Variants in HGD observed in about 807,000 individuals in gnomAD.
HGD encodes homogentisate 1,2-dioxygenase.
A neutral mutation model predicts 60.8 loss-of-function variants in HGD; 61 were observed. The observed-to-expected ratio is 1.00, with a 90% CI of 0.82 to 1.24. The LOEUF is 1.24. Ranked by LOEUF, HGD falls within the 50% of genes most tolerant of loss-of-function variation. The pLI, the probability that HGD is intolerant of heterozygous loss-of-function variation, is 0.00. For missense variants in HGD, 542 were observed against 547.1 expected (o/e 0.99, Z 0.09); for synonymous variants, 212 against 187.7 (o/e 1.13, Z -1.06).
chr3:120,660,430 T>C (rs1279293985), intron 4 of HGD, among the ~76,000 whole-genome samples: 1 of 152,214 alleles, frequency 6.6e-6, no homozygotes, highest in Non-Finnish European at 1.5e-5. Flanking sequence ...GCATGAATTA[T>C]GTGGAGAGAA....
At chr3:120,646,136 A>G in intron 9 of HGD, 131 bp downstream of exon 9, 1 of 721,172 alleles carries the variant, frequency 1.4e-6, no homozygotes, top group South Asian at 1.5e-5. Context: ...CTTGGTCTAG[A>G]GAAGAATTTG....
intron 1 of HGD, among the ~76,000 whole-genome samples, chr3:120,677,292 C>G (rs563832510): frequency 1.3e-5 from 2 of 152,308 alleles, no homozygotes; most frequent in South Asian, 4.1e-4. Context: ...CAGAACAGAG[C>G]CATATTTCTC....
chr3:120,677,676 C>T (rs992277315), intron 1 of HGD, among the ~76,000 whole-genome samples: 2 of 152,150 alleles, frequency 1.3e-5, no homozygotes, highest in African/African-American at 2.4e-5. Context: ...TATTCTATTA[C>T]CTTGTAAAGT....
intron 13 of HGD, among the ~76,000 whole-genome samples, chr3:120,629,059 GA>G (rs1940503804): frequency 6.6e-6 from 1 of 152,150 alleles, no homozygotes; most frequent in Admixed American, 6.5e-5. Flanking sequence ...TGGGAAAAGG[GA>G]AAAAGGGAGT....
At chr3:120,644,853 A>C (rs1941111701) in intron 9 of HGD, among the ~76,000 whole-genome samples, 1 of 152,084 alleles carries the variant, frequency 6.6e-6, no homozygotes, top group South Asian at 2.1e-4. Flanking sequence ...TCTCAGATAG[A>C]AAGGGTTACA....
At chr3:120,673,624 T>G (rs4676817) in intron 3 of HGD, among the ~76,000 whole-genome samples, 36,142 of 152,096 alleles carry the variant, frequency 0.24, 4,839 homozygotes, top group African/African-American at 0.36. Context: ...GAGAGAAAAG[T>G]ACTGTTGATA....
At chr3:120,666,164 G>T (rs1202826967) in intron 4 of HGD, among the ~76,000 whole-genome samples, 2 of 152,194 alleles carry the variant, frequency 1.3e-5, no homozygotes, top group Non-Finnish European at 2.9e-5. Flanking sequence ...ATAATAAACT[G>T]CTACCTGGTT....
intron 5 of HGD, 148 bp downstream of exon 5, chr3:120,652,444 G>T (rs1045591566): frequency 1.8e-5 from 12 of 666,112 alleles, no homozygotes; most frequent in Non-Finnish European, 3.3e-5. Context: ...ACATCCCTCC[G>T]CCAGCCCCCA....
chr3:120,628,756 CTCAAGTT>C (rs1940495728), intron 13 of HGD, among the ~76,000 whole-genome samples: 1 of 152,086 alleles, frequency 6.6e-6, no homozygotes. Flanking sequence ...TTCTCAGGGC[CTCAAGTT>C]TCATTCTGTA....
intron 6 of HGD, among the ~76,000 whole-genome samples, 166 bp downstream of exon 6, chr3:120,650,608 T>C (rs1941307542): frequency 6.6e-6 from 1 of 152,248 alleles, no homozygotes; most frequent in Non-Finnish European, 1.5e-5. Flanking sequence ...TCATTCATTA[T>C]CATTGTCAAT....
intron 11 of HGD, among the ~76,000 whole-genome samples, chr3:120,640,654 A>G (rs145198238): frequency 6.6e-6 from 1 of 152,374 alleles, no homozygotes; most frequent in Non-Finnish European, 1.5e-5. Context: ...GTCATGGGAC[A>G]TGATCTGAAA....
chr3:120,654,130 G>A (rs188965314), intron 4 of HGD, among the ~76,000 whole-genome samples: 66 of 152,270 alleles, frequency 4.3e-4, no homozygotes, highest in African/African-American at 1.6e-3. Flanking sequence ...TAGTAACAGA[G>A]CAGAGTATTT....
At position 120,649,332 on chromosome 3, in the gene HGD, A is replaced by T. The variant is rs556699278; in HGVS notation, c.435-1421T>A. ...TAATTTTTTGTATTTTTTAGTAGAG[A>T]TGGGGTTTCACTATGTTGGCTAGGC... On this transcript the variant is annotated intron_variant, in intron 6 of 13. Coordinates refer to ENST00000283871, the MANE Select transcript of HGD (RefSeq NM_000187.4). Among the ~76,000 whole-genome samples, 3 of 150,854 alleles carry T rather than the reference A, an allele frequency of 2.0e-5. No individual in the cohort carries two copies. The South Asian group carries it at 6.3e-4, about 32-fold the overall frequency.
At chr3:120,644,802 A>C (rs1941110429) in intron 9 of HGD, among the ~76,000 whole-genome samples, 1 of 152,212 alleles carries the variant, frequency 6.6e-6, no homozygotes, top group Admixed American at 6.5e-5. Context: ...TTTCTTTTGA[A>C]GGAACCCTTG....
At chr3:120,641,162 G>A (rs1014894189) in intron 11 of HGD, among the ~76,000 whole-genome samples, 2 of 152,168 alleles carry the variant, frequency 1.3e-5, no homozygotes. Flanking sequence ...CAGGAATGAA[G>A]GCACTGGGGT....
At chr3:120,630,694 C>T (rs1940557032) in intron 13 of HGD, among the ~76,000 whole-genome samples, 1 of 151,226 alleles carries the variant, frequency 6.6e-6, no homozygotes, top group South Asian at 2.1e-4. Flanking sequence ...CTAGGCAATA[C>T]CATTCAGGAC....
chr3:120,647,848 T>G (rs747339154), intron 7 of HGD, 29 bp downstream of exon 7: 5 of 1,582,280 alleles, frequency 3.2e-6, no homozygotes, highest in Non-Finnish European at 4.3e-6. Context: ...CAATTAACAG[T>G]GAGGGGGTCT....
rs1206675436 is a variant in HGD at position 120,678,393 on chromosome 3, A to G, written c.16-2530T>C. Among the ~76,000 whole-genome samples the G allele has an allele frequency of 3.3e-5, 5 of 152,302 alleles. No homozygotes were observed. The South Asian group carries it at 8.3e-4, about 25-fold the overall frequency. ...TGCCTTCGCTTTGTTCAACTGCCGC[A>G]TTGTTTCTCTCTGCAAGAGAGGAAG... On this transcript the variant is annotated intron_variant, in intron 1 of 13. Transcript: ENST00000283871.
At chr3:120,654,258 A>T (rs905908197) in intron 4 of HGD, among the ~76,000 whole-genome samples, 1 of 152,150 alleles carries the variant, frequency 6.6e-6, no homozygotes, top group Non-Finnish European at 1.5e-5. Flanking sequence ...TATCAGATCA[A>T]TGGTTGCCTG....
Sources: allele counts gnomAD v4.1 joint callset (sites outside exome capture counted in the v4.1 genomes callset), GRCh38; gene constraint gnomAD v4.1.1; transcripts MANE v1.5; gene names NCBI Gene and HGNC (gene_info 2026-07-23, HGNC 2026-07-21).